ACYP2: variants seen among roughly 807,000 people sequenced by gnomAD.
The protein encoded by ACYP2 is acylphosphatase-2.
ACYP2 carries 12 observed loss-of-function variants against 11.2 expected under a neutral mutation model. The ratio of observed to expected loss-of-function variants is 1.08; its 90% CI spans 0.69 to 1.74. The LOEUF is 1.74. Among genes scored for constraint, ACYP2 ranks in the 40% most tolerant of loss-of-function variants. The pLI, the probability that ACYP2 is intolerant of heterozygous loss-of-function variation, is 0.00. For synonymous variants in ACYP2, 43 were observed against 32.2 expected (o/e 1.33, Z -1.13); for missense variants, 134 against 101.9 (o/e 1.31, Z -1.35).
At chr2:54,191,594 T>C (rs1281365725) in intron 6 of ACYP2, among the ~76,000 whole-genome samples, 2 of 151,862 alleles carry the variant, frequency 1.3e-5, no homozygotes, top group Non-Finnish European at 2.9e-5. Flanking sequence ...TGTACCTATA[T>C]ACAGTCCTTA....
intron 2 of ACYP2, among the ~76,000 whole-genome samples, chr2:54,037,992 G>A (rs1039366411): frequency 4.6e-5 from 7 of 152,270 alleles, no homozygotes; most frequent in Non-Finnish European, 8.8e-5. Flanking sequence ...AAAAATCTCC[G>A]AAGCTTTCTC....
intron 6 of ACYP2, among the ~76,000 whole-genome samples, chr2:54,282,745 T>C (rs74463434): frequency 6.6e-6 from 1 of 152,326 alleles, no homozygotes; most frequent in Middle Eastern, 3.4e-3. Context: ...AGTTTTTTTT[T>C]TCTTAAATAT....
chr2:54,106,459 T>C (rs1679167420), intron 4 of ACYP2, among the ~76,000 whole-genome samples: 1 of 152,176 alleles, frequency 6.6e-6, no homozygotes, highest in African/African-American at 2.4e-5. Flanking sequence ...GTAAAAACCA[T>C]CTTATTTACT....
rs897381861 is a variant in ACYP2 at position 54,174,639 on chromosome 2, C to T, written c.404+35891C>T. On this transcript the variant is annotated intron_variant, in intron 6 of 6. Coordinates refer to ENST00000607452, the MANE Select transcript of ACYP2 (RefSeq NM_001320586.2). ...GGAATGCTTCCAGTTTTTGCCCATT[C>T]AGTATGATATTGGCTGTGGGTTTGT... Among the ~76,000 whole-genome samples, 7 of 152,114 alleles carry T rather than the reference C, an allele frequency of 4.6e-5. No individual in the cohort carries two copies. The South Asian group carries it at 1.5e-3, about 32-fold the overall frequency.
intron 4 of ACYP2, among the ~76,000 whole-genome samples, chr2:54,088,874 A>C (rs1678081545): frequency 6.6e-6 from 1 of 152,234 alleles, no homozygotes; most frequent in African/African-American, 2.4e-5. Context: ...GACCACACAC[A>C]TTCCTATCGG....
rs371044200 is a variant in ACYP2, at chr2:54,183,217, TA to T, written c.404+44475del. 6.0e-3 allele frequency among the ~76,000 whole-genome samples: 915 copies of T among 152,296 alleles called. 9 individuals are homozygous for T. Among genetic ancestry groups the T allele is most frequent in the African/African-American group, 0.021 (868 of 41,556 alleles). On this transcript the variant is annotated intron_variant, in intron 6 of 6. Transcript: ENST00000607452. The stretch of plus-strand genomic sequence containing the variant: ...CATATGACTATAAGTTAACAAAATA[TA>T]AAAAATGATTGAATTTAATAATTGT...
intron 6 of ACYP2, among the ~76,000 whole-genome samples, chr2:54,177,182 T>C (rs1371784294): frequency 6.6e-6 from 1 of 152,166 alleles, no homozygotes; most frequent in Non-Finnish European, 1.5e-5. Context: ...CACGATGGGA[T>C]ACATTAATGA....
intron 4 of ACYP2, among the ~76,000 whole-genome samples, chr2:54,088,400 G>T (rs1393435526): frequency 6.6e-6 from 1 of 152,160 alleles, no homozygotes; most frequent in Non-Finnish European, 1.5e-5. Flanking sequence ...AATGAAAGGG[G>T]CCCCACAGGG....
intron 6 of ACYP2, among the ~76,000 whole-genome samples, chr2:54,168,746 G>C (rs1463837112): frequency 6.6e-6 from 1 of 152,148 alleles, no homozygotes; most frequent in Non-Finnish European, 1.5e-5. Flanking sequence ...AGTATCTCTT[G>C]GGAAAATGTA....
intron 6 of ACYP2, among the ~76,000 whole-genome samples, chr2:54,178,719 A>C (rs575759405): frequency 5.9e-5 from 9 of 152,314 alleles, no homozygotes; most frequent in East Asian, 5.8e-4. Flanking sequence ...TTTGTAAGAG[A>C]ATACAGTTTG....
rs531951457 is a variant in ACYP2 at position 54,219,289 on chromosome 2, C to A, written c.404+80541C>A. On this transcript the variant is annotated intron_variant, in intron 6 of 6. Transcript: ENST00000607452. Reference sequence around the variant, plus strand: ...ACAGAGGCATTGAGTGCTTGTTTTGCAAGTGAGAAGCACTTTTTTTTTGTT... The same window carrying A: ...ACAGAGGCATTGAGTGCTTGTTTTGAAAGTGAGAAGCACTTTTTTTTTGTT... Among the ~76,000 whole-genome samples, 5 of 152,210 alleles carry A rather than the reference C, an allele frequency of 3.3e-5. No individual in the cohort carries two copies. The South Asian group carries it at 1.0e-3, about 32-fold the overall frequency.
At chr2:54,043,482 A>G (rs1277148561) in intron 2 of ACYP2, among the ~76,000 whole-genome samples, 1 of 152,208 alleles carries the variant, frequency 6.6e-6, no homozygotes, top group Non-Finnish European at 1.5e-5. Context: ...TGACTTTCAA[A>G]TGCCCTGCAG....
In ACYP2 at chr2:54,200,651, A is replaced by G. The variant is rs77564603; in HGVS notation, c.404+61903A>G. Among the ~76,000 whole-genome samples the G allele has an allele frequency of 2.6e-5, 4 of 152,320 alleles. No homozygotes were observed. The East Asian group carries it at 5.8e-4, about 22-fold the overall frequency. On this transcript the variant is annotated intron_variant, in intron 6 of 6. Coordinates refer to ENST00000607452, the MANE Select transcript of ACYP2 (RefSeq NM_001320586.2). The stretch of plus-strand genomic sequence containing the variant: ...TATGCCACATTTTGTTGATCCATTC[A>G]TCAGTTGATGGATATTTGGGCTCTT...
At chr2:54,132,729 G>C (rs1680980952) in intron 4 of ACYP2, among the ~76,000 whole-genome samples, 1 of 150,546 alleles carries the variant, frequency 6.6e-6, no homozygotes, top group Non-Finnish European at 1.5e-5. Context: ...ACCTTTTATA[G>C]TGTACAATTG....
At chr2:54,001,169 A>G (rs1221062092) in intron 2 of ACYP2, among the ~76,000 whole-genome samples, 1 of 152,178 alleles carries the variant, frequency 6.6e-6, no homozygotes, top group African/African-American at 2.4e-5. Flanking sequence ...AGCCTGGACA[A>G]CATAGTGAGA....
At chr2:54,047,767 G>A (rs530598676) in intron 2 of ACYP2, among the ~76,000 whole-genome samples, 1 of 152,328 alleles carries the variant, frequency 6.6e-6, no homozygotes, top group Admixed American at 6.5e-5. Flanking sequence ...TTTAAAGTGT[G>A]AGATGGATTT....
chr2:54,110,291 A>G (rs1310625775), intron 4 of ACYP2, among the ~76,000 whole-genome samples: 1 of 152,138 alleles, frequency 6.6e-6, no homozygotes, highest in Admixed American at 6.5e-5. Context: ...CAAATATTAT[A>G]TCATAGTACC....
At chr2:54,213,683 G>A (rs1685429285) in intron 6 of ACYP2, among the ~76,000 whole-genome samples, 1 of 152,110 alleles carries the variant, frequency 6.6e-6, no homozygotes, top group Admixed American at 6.5e-5. Context: ...TAGTGATGTT[G>A]AGCATTTTTT....
rs919891203 is a variant in ACYP2, at chr2:54,129,686, C to T, written c.278-5767C>T. Among the ~76,000 whole-genome samples, 7 of 149,342 alleles carry T rather than the reference C, an allele frequency of 4.7e-5. 1 individual carries two copies. Among genetic ancestry groups the T allele is most frequent in the African/African-American group, 1.7e-4 (7 of 40,676 alleles). On this transcript the variant is annotated intron_variant, in intron 4 of 6. Coordinates refer to ENST00000607452, the MANE Select transcript of ACYP2 (RefSeq NM_001320586.2). ...TATATATGTGTATTATATATTCAGTCATTATATATTATCACTGTGTAAAGT... is the reference window on the plus strand; with the variant it reads ...TATATATGTGTATTATATATTCAGTTATTATATATTATCACTGTGTAAAGT...
Sources: allele counts gnomAD v4.1 joint callset (sites outside exome capture counted in the v4.1 genomes callset), GRCh38; gene constraint gnomAD v4.1.1; transcripts MANE v1.5; gene names NCBI Gene and HGNC (gene_info 2026-07-23, HGNC 2026-07-21).